ITGB6: variants seen among roughly 807,000 people sequenced by gnomAD.
ITGB6 encodes the protein integrin subunit beta 6.
Under a neutral mutation model 84.5 loss-of-function variants are expected in ITGB6, and 80 were observed. The ratio of observed to expected loss-of-function variants is 0.95; its 90% confidence interval spans 0.79 to 1.14. The LOEUF (loss-of-function observed/expected upper bound fraction) is 1.14. ITGB6 is among the 50% of genes most tolerant of loss of function. The pLI is 0.00. For synonymous variants in ITGB6, 383 were observed against 354.9 expected, an observed-to-expected ratio of 1.08 and a Z score of -0.89; for missense variants, 1,006 against 968.0, an observed-to-expected ratio of 1.04 and a Z score of -0.52.
intron 4 of ITGB6, among the ~76,000 whole-genome samples, chr2:160,176,913 T>A (rs1241910725): frequency 6.6e-6 from 1 of 152,234 alleles, no homozygotes; most frequent in Non-Finnish European, 1.5e-5. Context: ...AACATTTTTG[T>A]AATTAAATAA....
chr2:160,107,845 T>A lies in ITGB6; in HGVS notation c.2102A>T (p.Asp701Val). ...GGGAATGTTTGGAGGCTTCGGACAATCTGCAGAAATAAAGAAAATTATAAG... is the reference window on the plus strand; with the variant it reads ...GGGAATGTTTGGAGGCTTCGGACAAACTGCAGAAATAAAGAAAATTATAAG... ...KTIIHSINEK[D>V]CPKPPNIPMI... The change falls in exon 14 of 15, where the codon GAT becomes GTT. Residue 701 changes from aspartate to valine, a missense_variant and splice_region_variant. By Grantham distance (152) the Asp-to-Val change is radical. Coordinates refer to ENST00000283249, the MANE Select transcript of ITGB6 (RefSeq NM_000888.5). 1 of 1,574,308 alleles carries A rather than the reference T, an allele frequency of 6.4e-7. No individual in the cohort carries two copies. Among genetic ancestry groups the A allele is most frequent in the Non-Finnish European group, 8.7e-7 (1 of 1,155,644 alleles).
chr2:160,112,061 T>A lies in ITGB6; in HGVS notation c.2101+19A>T. ...GTGTAGTATCATTTGCCATCGGCAA[T>A]GGAAGGCAAAACACCCACCTTTTTC... On this transcript the variant is annotated intron_variant, in intron 13 of 14. Coordinates refer to ENST00000283249, the MANE Select transcript of ITGB6 (RefSeq NM_000888.5). 1 of 1,610,878 alleles carries A rather than the reference T, an allele frequency of 6.2e-7. No homozygotes were observed. Among genetic ancestry groups the A allele is most frequent in the Non-Finnish European group, 8.5e-7 (1 of 1,178,892 alleles).
At chr2:160,117,192 C>T (rs905855841) in intron 12 of ITGB6, among the ~76,000 whole-genome samples, 2 of 152,106 alleles carry the variant, frequency 1.3e-5, no homozygotes, top group African/African-American at 4.8e-5. Flanking sequence ...ACTCTCCACC[C>T]CAAATCAACA....
At chr2:160,184,640 T>C (rs189147770) in intron 4 of ITGB6, among the ~76,000 whole-genome samples, 10 of 152,154 alleles carry the variant, frequency 6.6e-5, no homozygotes, top group Non-Finnish European at 1.0e-4. Context: ...GAGGCCAGCA[T>C]CATCCTAATA....
In ITGB6 at chr2:160,160,648, G is replaced by T. The variant is rs559681429; in HGVS notation, c.1017+8564C>A. Among the ~76,000 whole-genome samples, 5 of 152,248 alleles carry T rather than the reference G, an allele frequency of 3.3e-5. No individual in the cohort carries two copies. In the South Asian group the frequency reaches 1.0e-3, roughly 32 times the overall value. On this transcript the variant is annotated intron_variant, in intron 7 of 14. Transcript: ENST00000283249. ...AAACTCTTCTTATGTCCCGGGGGTT[G>T]TCAGTTTCACTTGTCCTTTTGTGCC...
chr2:160,112,605 A>G (rs1341415788), intron 12 of ITGB6, among the ~76,000 whole-genome samples: 1 of 152,188 alleles, frequency 6.6e-6, no homozygotes, highest in African/African-American at 2.4e-5. Flanking sequence ...ACTGATACTG[A>G]TACTTTTAAA....
chr2:160,189,669 A>T (rs1686058273), intron 4 of ITGB6, among the ~76,000 whole-genome samples: 4 of 152,036 alleles, frequency 2.6e-5, no homozygotes. Flanking sequence ...ATCTCACACC[A>T]GTTAGAATGG....
intron 8 of ITGB6, among the ~76,000 whole-genome samples, chr2:160,141,174 C>T (rs1459018598): frequency 2.6e-5 from 4 of 151,508 alleles, no homozygotes; most frequent in Non-Finnish European, 5.9e-5. Flanking sequence ...TTACTCCTTA[C>T]TAAAAAATTT....
chr2:160,200,144 A>C lies in ITGB6; in HGVS notation c.-81T>G, dbSNP rs1686502489. ...CAAGACCAACGCTGAATATCGTTAA[A>C]GTCTTTCTTTCTTGAAGTATAACAT... On this transcript the variant is annotated 5_prime_UTR_variant, in exon 1 of 15. Transcript: ENST00000283249. 1 of 1,091,168 alleles carries C rather than the reference A, an allele frequency of 9.2e-7. No individual in the cohort carries two copies. Among genetic ancestry groups the C allele is most frequent in the Admixed American group, 1.9e-5 (1 of 53,362 alleles). The allele number at this position is 1,091,168 out of a possible 1,614,324, so 67.6% of individuals were successfully genotyped here.
chr2:160,185,204 A>G (rs2105885729), intron 4 of ITGB6, among the ~76,000 whole-genome samples: 1 of 152,364 alleles, frequency 6.6e-6, no homozygotes, highest in East Asian at 1.9e-4. Context: ...CTGTTTGCAG[A>G]TGACAAGATT....
intron 1 of ITGB6, 121 bp downstream of exon 1, chr2:160,199,882 A>T: frequency 1.3e-6 from 1 of 742,320 alleles, no homozygotes; most frequent in Non-Finnish European, 2.3e-6. Flanking sequence ...GTGTTCACTC[A>T]GTCACAAAAG....
At chr2:160,170,583 T>C (rs1175046604) in intron 6 of ITGB6, among the ~76,000 whole-genome samples, 2 of 152,200 alleles carry the variant, frequency 1.3e-5, no homozygotes, top group African/African-American at 2.4e-5. Context: ...AAGCTGGTTT[T>C]CTATTTGAAT....
rs996577388 is a variant in ITGB6 at position 160,101,578 on chromosome 2, C to T, written c.*158G>A. 3.2e-6 allele frequency: 2 copies of T among 627,380 alleles called. No homozygotes were observed. The highest frequency in any genetic ancestry group is 5.6e-6 in the Non-Finnish European group (2 of 354,188). The allele number at this position is 627,380 out of a possible 1,614,324, so 38.9% of individuals were successfully genotyped here. On this transcript the variant is annotated 3_prime_UTR_variant, in exon 15 of 15. Transcript: ENST00000283249. The stretch of plus-strand genomic sequence containing the variant: ...CTCTTCTTGATTATTTTGAAACTGC[C>T]AACAGTCTGTCACCTTCATGTAGAG...
chr2:160,117,692 C>CA (rs1434676189), intron 12 of ITGB6, among the ~76,000 whole-genome samples: 24 of 152,056 alleles, frequency 1.6e-4, no homozygotes, highest in African/African-American at 5.1e-4. Context: ...AATAGAGACA[C>CA]AAAAAACCCT....
At chr2:160,113,618 T>C (rs1327970928) in intron 12 of ITGB6, among the ~76,000 whole-genome samples, 2 of 152,230 alleles carry the variant, frequency 1.3e-5, no homozygotes, top group East Asian at 1.9e-4. Flanking sequence ...CTAAGTCACC[T>C]GGGAGTTTTG....
intron 2 of ITGB6, 73 bp from the exon 3 acceptor site, chr2:160,196,493 T>C: frequency 7.6e-7 from 1 of 1,309,814 alleles, no homozygotes; most frequent in South Asian, 1.3e-5. Flanking sequence ...ATACCAGCAA[T>C]TGAAAGTTTT....
Position 160,116,553 on chromosome 2 carries a change from A to G in ITGB6, c.1982-4354T>C, listed in dbSNP as rs559366805. ...AGGAACAACTGGTACCAGCCACTGCAAAAACATGCCAAAATGTAAAGACCA... is the reference window on the plus strand; with the variant it reads ...AGGAACAACTGGTACCAGCCACTGCGAAAACATGCCAAAATGTAAAGACCA... On this transcript the variant is annotated intron_variant, in intron 12 of 14. Coordinates refer to ENST00000283249, the MANE Select transcript of ITGB6 (RefSeq NM_000888.5). 3.8e-3 allele frequency among the ~76,000 whole-genome samples: 584 copies of G among 152,384 alleles called. 2 individuals are homozygous for G. Among genetic ancestry groups the G allele is most frequent in the African/African-American group, 0.013 (551 of 41,584 alleles).
chr2:160,164,421 G>A (rs1466714721), intron 7 of ITGB6, among the ~76,000 whole-genome samples: 3 of 152,190 alleles, frequency 2.0e-5, no homozygotes, highest in African/African-American at 7.2e-5. Context: ...GCTGGGCACA[G>A]TGGCTCACAC....
chr2:160,124,257 T>C (rs1329982915), intron 11 of ITGB6, among the ~76,000 whole-genome samples: 1 of 152,256 alleles, frequency 6.6e-6, no homozygotes. Context: ...GATTAGAGAC[T>C]GGGAGAAGTT....
Sources: gnomAD v4.1 joint callset for allele counts (sites outside exome capture counted in the v4.1 genomes callset) on GRCh38, gnomAD v4.1.1 for gene constraint, MANE v1.5 for transcripts, NCBI Gene and HGNC (gene_info 2026-07-23, HGNC 2026-07-21) for gene names.